TYW1B: variants seen among roughly 807,000 people sequenced by gnomAD.
The protein encoded by TYW1B is tRNA-yW synthesizing protein 1 homolog B.
A neutral mutation model predicts 86.9 loss-of-function variants in TYW1B; 73 were observed. The ratio of observed to expected loss-of-function variants is 0.84; its 90% CI spans 0.70 to 1.02. The LOEUF (loss-of-function observed/expected upper bound fraction) is 1.02. Ranked by LOEUF, TYW1B falls within the 50% of genes least tolerant of loss-of-function variation. The pLI, the probability that TYW1B is intolerant of heterozygous loss-of-function variation, is 0.00. For missense variants in TYW1B, 637 were observed against 827.4 expected, an observed-to-expected ratio of 0.77 and a Z score of 2.82; for synonymous variants, 248 against 292.8, an observed-to-expected ratio of 0.85 and a Z score of 1.56.
chr7:72,798,507 T>C (rs1788349220), intron 6 of TYW1B, among the ~76,000 whole-genome samples: 2 of 152,256 alleles, frequency 1.3e-5, no homozygotes, highest in African/African-American at 2.4e-5. Flanking sequence ...CAATATTCCA[T>C]TGTGTGGATA....
chr7:72,683,338 G>A (rs1173392782), intron 11 of TYW1B, among the ~76,000 whole-genome samples: 1 of 152,160 alleles, frequency 6.6e-6, no homozygotes, highest in Non-Finnish European at 1.5e-5. Flanking sequence ...GGGAGGCCAA[G>A]GCAAGTGGAT....
intron 11 of TYW1B, among the ~76,000 whole-genome samples, chr7:72,671,944 T>C (rs1381488427): frequency 2.0e-5 from 3 of 150,798 alleles, no homozygotes; most frequent in African/African-American, 4.9e-5. Context: ...AAATATTTTA[T>C]AAAGTCTAAA....
At chr7:72,603,369 T>C (rs1563026219) in intron 13 of TYW1B, among the ~76,000 whole-genome samples, 6 of 151,454 alleles carry the variant, frequency 4.0e-5, no homozygotes, top group Admixed American at 2.0e-4. Flanking sequence ...AATGGACGGA[T>C]AGACAGATGA....
At chr7:72,693,042 G>A (rs564505468) in intron 11 of TYW1B, among the ~76,000 whole-genome samples, 1 of 152,180 alleles carries the variant, frequency 6.6e-6, no homozygotes, top group South Asian at 2.1e-4. Flanking sequence ...AATGACGCCT[G>A]GGATGTCTAA....
intron 13 of TYW1B, among the ~76,000 whole-genome samples, chr7:72,610,010 T>C (rs1265421450): frequency 6.6e-6 from 1 of 152,186 alleles, no homozygotes; most frequent in Non-Finnish European, 1.5e-5. Context: ...GCAGTGACAC[T>C]GGACATCTGT....
At chr7:72,720,773 A>C (rs1432778373) in intron 9 of TYW1B, among the ~76,000 whole-genome samples, 1 of 152,076 alleles carries the variant, frequency 6.6e-6, no homozygotes, top group Non-Finnish European at 1.5e-5. Flanking sequence ...TTATACCTTA[A>C]GTTCTAGGGT....
At chr7:72,781,904 T>C (rs1788056383) in intron 6 of TYW1B, among the ~76,000 whole-genome samples, 1 of 152,248 alleles carries the variant, frequency 6.6e-6, no homozygotes, top group African/African-American at 2.4e-5. Flanking sequence ...ACATTCTTTA[T>C]AAACTGACAG....
chr7:72,630,625 A>C (rs1364243775), intron 11 of TYW1B, among the ~76,000 whole-genome samples: 7 of 152,170 alleles, frequency 4.6e-5, no homozygotes, highest in Non-Finnish European at 7.4e-5. Context: ...ATCTTCATTG[A>C]AGGAAACTAA....
chr7:72,805,674 T>C (rs1365613735), intron 5 of TYW1B, among the ~76,000 whole-genome samples: 1 of 150,558 alleles, frequency 6.6e-6, no homozygotes, highest in Non-Finnish European at 1.5e-5. Context: ...ATAGTAAGCA[T>C]GAGAGGAACT....
intron 9 of TYW1B, among the ~76,000 whole-genome samples, chr7:72,716,888 C>T (rs1408729158): frequency 7.0e-6 from 1 of 142,138 alleles, no homozygotes; most frequent in African/African-American, 2.6e-5. Context: ...GCTGGGATTA[C>T]AGGCGTGAGC....
chr7:72,601,159 AAT>A (rs1335313074), intron 13 of TYW1B, among the ~76,000 whole-genome samples: 4 of 151,786 alleles, frequency 2.6e-5, no homozygotes, highest in African/African-American at 9.7e-5. Context: ...AAAAAAAAAA[AAT>A]AAAAATAAAC....
chr7:72,723,157 G>A, intron 9 of TYW1B: 1 of 404,420 alleles, frequency 2.5e-6, no homozygotes, highest in Non-Finnish European at 4.1e-6. Flanking sequence ...ATATAAGGGG[G>A]AAAGGGGTGG....
intron 8 of TYW1B, among the ~76,000 whole-genome samples, chr7:72,738,451 A>G (rs1240898143): frequency 6.6e-6 from 1 of 152,150 alleles, no homozygotes; most frequent in African/African-American, 2.4e-5. Flanking sequence ...ACTGTAGACC[A>G]TGGCACACAG....
intron 4 of TYW1B, among the ~76,000 whole-genome samples, chr7:72,810,001 A>C (rs1788574652): frequency 7.4e-6 from 1 of 134,770 alleles, no homozygotes. Context: ...TCTGTTTCCA[A>C]AAAAAAAAAA....
At chr7:72,595,321 G>C (rs1474166665) in intron 13 of TYW1B, among the ~76,000 whole-genome samples, 2 of 152,218 alleles carry the variant, frequency 1.3e-5, no homozygotes, top group African/African-American at 2.4e-5. Context: ...ATGCAAAAAT[G>C]AGCTGCATTT....
At chr7:72,649,748 A>G (rs1198038040) in intron 11 of TYW1B, among the ~76,000 whole-genome samples, 2 of 152,206 alleles carry the variant, frequency 1.3e-5, no homozygotes, top group Non-Finnish European at 2.9e-5. Context: ...TCTAAAATCA[A>G]TAAGCCCTAG....
At chr7:72,728,739 C>T in intron 9 of TYW1B, 83 bp downstream of exon 9, 1 of 1,385,390 alleles carries the variant, frequency 7.2e-7, no homozygotes, top group Non-Finnish European at 9.8e-7. Flanking sequence ...GGACAAAATC[C>T]TACCAAAGAG....
At chr7:72,817,608 A>C (rs1554479677) in intron 2 of TYW1B, among the ~76,000 whole-genome samples, 1 of 152,084 alleles carries the variant, frequency 6.6e-6, no homozygotes, top group African/African-American at 2.4e-5. Context: ...GAGGGTCTTG[A>C]CTAGGAGTTG....
intron 13 of TYW1B, among the ~76,000 whole-genome samples, chr7:72,592,628 C>T (rs570296903): frequency 6.6e-6 from 1 of 152,236 alleles, no homozygotes; most frequent in Admixed American, 6.5e-5. Context: ...AGATATGATC[C>T]CATTCTATGC....
Sources: allele counts gnomAD v4.1 joint callset (sites outside exome capture counted in the v4.1 genomes callset), GRCh38; gene constraint gnomAD v4.1.1; transcripts MANE v1.5; gene names NCBI Gene and HGNC (gene_info 2026-07-23, HGNC 2026-07-21).